Variants in ETNPPL observed in about 807,000 individuals in gnomAD.
ETNPPL encodes ethanolamine-phosphate phospho-lyase.
ETNPPL carries 30 observed loss-of-function variants against 55.5 expected under a neutral mutation model. The observed-to-expected ratio is 0.54, with a 90% CI of 0.40 to 0.73. ETNPPL has a LOEUF of 0.73. Among genes scored for constraint, ETNPPL ranks in the 30% least tolerant of loss-of-function variants. The pLI is 0.00. For synonymous variants in ETNPPL, 202 were observed against 207.2 expected (o/e 0.98, Z 0.21); for missense variants, 528 against 607.9 (o/e 0.87, Z 1.38).
chr4:108,755,466 C>T (rs1433444085), intron 4 of ETNPPL, among the ~76,000 whole-genome samples: 1 of 152,104 alleles, frequency 6.6e-6, no homozygotes, highest in Admixed American at 6.6e-5. Flanking sequence ...TTTAACTTCA[C>T]CCTCTACATC....
chr4:108,753,749 T>TAAGAAAGAAAGCAAGA (rs1729027760), intron 5 of ETNPPL, among the ~76,000 whole-genome samples: 1 of 76,712 alleles, frequency 1.3e-5, no homozygotes, highest in Non-Finnish European at 2.4e-5. Flanking sequence ...CTCAAATAAA[T>TAAGAAAGAAAGCAAGA]AAGAAAGAAA....
intron 2 of ETNPPL, 21 bp from the exon 3 acceptor site, chr4:108,759,929 G>A (rs757882394): frequency 1.9e-6 from 3 of 1,609,394 alleles, no homozygotes; most frequent in Non-Finnish European, 2.5e-6. Context: ...TGAAACAAAA[G>A]CCCAAGAAAT....
Position 108,754,681 on chromosome 4 carries a change from A to G in ETNPPL, c.440T>C (p.Ile147Thr), listed in dbSNP as rs764022033. 46 of 1,598,084 alleles carry G rather than the reference A, an allele frequency of 2.9e-5. No homozygotes were observed. Among genetic ancestry groups the G allele is most frequent in the Middle Eastern group, 1.6e-4 (1 of 6,062 alleles). ...HAYHGHLSSL[I>T]EISPYKFQKG... ...CTGAAACTTATATGGGCTAATCTCA[A>G]TTAAGGATGATAGGTGACCATGGTA... Residue 147 changes from isoleucine (I) to threonine (T), a missense_variant, in exon 5 of 13, where the codon ATT becomes ACT. Ile to Thr is a moderately conservative substitution (Grantham distance 89, BLOSUM62 -1). Transcript: ENST00000296486.
chr4:108,762,028 A>T (rs1207536061), intron 1 of ETNPPL, among the ~76,000 whole-genome samples: 3 of 152,206 alleles, frequency 2.0e-5, no homozygotes, highest in South Asian at 4.1e-4. Flanking sequence ...GTATCTTTTT[A>T]AAAACCACGC....
intron 3 of ETNPPL, among the ~76,000 whole-genome samples, chr4:108,757,053 T>C (rs1034064165): frequency 1.3e-5 from 2 of 152,078 alleles, no homozygotes; most frequent in African/African-American, 4.8e-5. Flanking sequence ...CAGACTTTAG[T>C]CTAGTTCAGC....
At chr4:108,753,800 G>GAAAGAAAGAAAGAAAAGAAAAGA (rs374263477) in intron 5 of ETNPPL, among the ~76,000 whole-genome samples, 10 of 109,070 alleles carry the variant, frequency 9.2e-5, no homozygotes, top group African/African-American at 4.9e-4. Context: ...AAGAAAGAAA[G>GAAAGAAAGAAAGAAAAGAAAAGA]AAAGAAAAGA....
Position 108,756,433 on chromosome 4 carries a change from A to G in ETNPPL, c.395T>C (p.Val132Ala). ...CAAGACTTACTGGTCAAGAGTGATC[A>G]CATCCTGGTGGCCTCTGAACTGCCG... ...LARQFRGHQDVITLDHAYHGH... is the reference protein window; with the variant it reads ...LARQFRGHQDAITLDHAYHGH... The change falls in exon 4 of 13, where the codon GTG becomes GCG. Residue 132 changes from valine to alanine, a missense_variant. Coordinates refer to ENST00000296486, the MANE Select transcript of ETNPPL (RefSeq NM_031279.4). 6.2e-7 allele frequency: 1 copy of G among 1,613,872 alleles called. No individual in the cohort carries two copies. Among genetic ancestry groups the G allele is most frequent in the Middle Eastern group, 1.6e-4 (1 of 6,062 alleles).
At chr4:108,755,056 G>A (rs991725920) in intron 4 of ETNPPL, among the ~76,000 whole-genome samples, 19 of 152,234 alleles carry the variant, frequency 1.2e-4, no homozygotes, top group Non-Finnish European at 2.6e-4. Context: ...AATACTTTAC[G>A]TGTATGTATT....
At chr4:108,749,531 C>A in intron 7 of ETNPPL, 68 bp from the exon 8 acceptor site, 2 of 1,190,720 alleles carry the variant, frequency 1.7e-6, no homozygotes, top group East Asian at 2.4e-5. Flanking sequence ...CACAAAGATG[C>A]AAATTATTGA....
Position 108,746,811 on chromosome 4 carries a change from G to C in ETNPPL, c.1123C>G (p.His375Asp), listed in dbSNP as rs950426100. 2.5e-5 allele frequency: 41 copies of C among 1,613,624 alleles called. No individual in the cohort carries two copies. The highest frequency in any genetic ancestry group is 3.1e-5 in the Non-Finnish European group (36 of 1,179,894). Residue 375 changes from histidine (H) to aspartate (D), a missense_variant, in exon 10 of 13, where the codon CAT (histidine) becomes GAT (aspartate). Physicochemically the swap from His to Asp is moderately conservative, Grantham distance 81 (BLOSUM62 -1). Transcript: ENST00000296486. Reference protein sequence around the residue: ...LFIGIDLVKDHLKRTPATAEA... With the variant: ...LFIGIDLVKDDLKRTPATAEA... ...GCTGTGGCAGGGGTCCTTTTCAGAT[G>C]GTCCTTCACTAAATCAATTCCAATA...
intron 3 of ETNPPL, among the ~76,000 whole-genome samples, chr4:108,758,820 GC>G (rs1729356761): frequency 1.3e-5 from 2 of 152,208 alleles, no homozygotes; most frequent in East Asian, 3.9e-4. Context: ...GGAGGCCGAG[GC>G]GGGTGGATCA....
At chr4:108,753,749 T>TAAGAAAAGA (rs1729027598) in intron 5 of ETNPPL, among the ~76,000 whole-genome samples, 2 of 76,712 alleles carry the variant, frequency 2.6e-5, no homozygotes. Context: ...CTCAAATAAA[T>TAAGAAAAGA]AAGAAAGAAA....
At chr4:108,753,800 G>GAAAGAAAGAAAGAAAGAAAGAAAGAAAGA (rs374263477) in intron 5 of ETNPPL, among the ~76,000 whole-genome samples, 1 of 109,032 alleles carries the variant, frequency 9.2e-6, no homozygotes, top group Non-Finnish European at 1.7e-5. Context: ...AAGAAAGAAA[G>GAAAGAAAGAAAGAAAGAAAGAAAGAAAGA]AAAGAAAAGA....
Position 108,762,960 on chromosome 4 carries a change from A to G in ETNPPL, c.-62T>C, listed in dbSNP as rs975843219. 1.3e-6 allele frequency: 2 copies of G among 1,538,770 alleles called. No homozygotes were observed. The highest frequency in any genetic ancestry group is 1.8e-6 in the Non-Finnish European group (2 of 1,114,820). ...GCAAGGTCTGCGCGCCTCCTACGCG[A>G]GCCTGGGACTGCCTTGGCGGCCCCG... On this transcript the variant is annotated 5_prime_UTR_variant, in exon 1 of 13. Transcript: ENST00000296486.
In ETNPPL at chr4:108,753,768, G is replaced by GA. The variant is rs566832774; in HGVS notation, c.502-758dup. Among the ~76,000 whole-genome samples the GA allele has an allele frequency of 9.4e-5, 11 of 117,316 alleles. No individual in the cohort carries two copies. The South Asian group carries it at 1.7e-3, about 18-fold the overall frequency. The allele number at this position is 117,316 out of a possible 152,430, so 77.0% of individuals were successfully genotyped here. A position where few individuals can be genotyped will look rare whatever the true frequency, so the allele number is the denominator to read the frequency against. On this transcript the variant is annotated intron_variant, in intron 5 of 12. Coordinates refer to ENST00000296486, the MANE Select transcript of ETNPPL (RefSeq NM_031279.4). ...AATAAATAAGAAAGAAAGAAAGAAAGAAAGAAAGAAAGAAAGAAAGAAAGA... is the reference window on the plus strand; with the variant it reads ...AATAAATAAGAAAGAAAGAAAGAAAGAAAAGAAAGAAAGAAAGAAAGAAAGA...
chr4:108,751,123 A>T (rs1728894105), intron 6 of ETNPPL, 105 bp from the exon 7 acceptor site: 1 of 664,002 alleles, frequency 1.5e-6, no homozygotes, highest in Admixed American at 2.5e-5. Context: ...CTAGGAATAG[A>T]CCTGTAGCAA....
Position 108,752,894 on chromosome 4 carries a change from C to A in ETNPPL, c.618+1G>T, listed in dbSNP as rs766141211. ...ATGTTTCCAAAGCTATAAATACAAA[C>A]CTTCCTTCCACTGTTATGAGCATCT... On this transcript the variant is annotated splice_donor_variant, in intron 6 of 12. Coordinates refer to ENST00000296486, the MANE Select transcript of ETNPPL (RefSeq NM_031279.4). LOFTEE classifies it high-confidence loss of function. The A allele has an allele frequency of 6.5e-7, 1 of 1,544,236 alleles. No individual in the cohort carries two copies. The highest frequency in any genetic ancestry group is 1.1e-5 in the South Asian group (1 of 88,020).
intron 9 of ETNPPL, among the ~76,000 whole-genome samples, chr4:108,747,163 ATT>A (rs1491544409): frequency 1.9e-4 from 3 of 15,592 alleles, no homozygotes; most frequent in African/African-American, 4.3e-4. Flanking sequence ...ATATATATAT[ATT>A]ATATATATAT....
At chr4:108,744,511 T>C (rs1156838568) in intron 11 of ETNPPL, among the ~76,000 whole-genome samples, 1 of 151,928 alleles carries the variant, frequency 6.6e-6, no homozygotes, top group East Asian at 1.9e-4. Flanking sequence ...AAAGGACACA[T>C]CTGCTTGTGA....
Sources: allele counts gnomAD v4.1 joint callset (sites outside exome capture counted in the v4.1 genomes callset), GRCh38; gene constraint gnomAD v4.1.1; transcripts MANE v1.5; gene names NCBI Gene and HGNC (gene_info 2026-07-23, HGNC 2026-07-21).